The following PLCG2 variants were observed in gnomAD, a reference collection of about 807,000 sequenced individuals.
The protein encoded by PLCG2 is 1-phosphatidylinositol 4,5-bisphosphate phosphodiesterase gamma-2.
A neutral mutation model predicts 175.6 loss-of-function variants in PLCG2; 69 were observed. The ratio of observed to expected loss-of-function variants is 0.39; its 90% CI spans 0.32 to 0.48. PLCG2 has a LOEUF of 0.48. Ranked by LOEUF, PLCG2 falls within the 20% of genes least tolerant of loss-of-function variation. PLCG2 has a pLI of 0.91. For missense variants in PLCG2, 1,798 were observed against 1,650.9 expected, an observed-to-expected ratio of 1.09 and a Z score of -1.54; for synonymous variants, 827 against 624.0, an observed-to-expected ratio of 1.33 and a Z score of -4.85.
intron 18 of PLCG2, among the ~76,000 whole-genome samples, chr16:81,911,964 A>AT (rs1478542378): frequency 6.6e-6 from 1 of 151,378 alleles, no homozygotes; most frequent in Non-Finnish European, 1.5e-5. Context: ...TGCCTGGCTA[A>AT]TTTTTTGTAT....
At position 81,823,806 on chromosome 16, in the gene PLCG2, A is replaced by C. The variant is rs958244527; in HGVS notation, c.194-30638A>C. Among the ~76,000 whole-genome samples the C allele has an allele frequency of 6.6e-5, 10 of 151,608 alleles. No individual in the cohort carries two copies. In the Middle Eastern group the frequency reaches 0.01, roughly 157 times the overall value. ...CGGTGTCCCAAAGTGCTGGGATTCC[A>C]GGCATGAACCACTGCACCCAGACAA... On this transcript the variant is annotated intron_variant, in intron 2 of 32. Transcript: ENST00000564138.
At chr16:81,931,764 A>G in intron 25 of PLCG2, 110 bp downstream of exon 25, 1 of 874,994 alleles carries the variant, frequency 1.1e-6, no homozygotes, top group Non-Finnish European at 1.8e-6. Flanking sequence ...CCCAGGTCCT[A>G]CTCAGAATTC....
chr16:81,803,204 T>C (rs1051069573), intron 2 of PLCG2, among the ~76,000 whole-genome samples: 16 of 149,110 alleles, frequency 1.1e-4, no homozygotes, highest in Non-Finnish European at 1.9e-4. Context: ...CTGCAAGCTC[T>C]GCCTCATGGG....
chr16:81,825,203 C>G (rs1904993971), intron 2 of PLCG2, among the ~76,000 whole-genome samples: 1 of 152,068 alleles, frequency 6.6e-6, no homozygotes, highest in African/African-American at 2.4e-5. Flanking sequence ...CCATCCTGGC[C>G]TCAGTGATGC....
chr16:81,778,028 A>AACAAAAACAAAACAAACAAACAAAC (rs1910495268), upstream of PLCG2, among the ~76,000 whole-genome samples: 1 of 63,658 alleles, frequency 1.6e-5, no homozygotes, highest in Non-Finnish European at 3.0e-5. Flanking sequence ...AAAAAAAAAA[A>AACAAAAACAAAACAAACAAACAAAC]AAACAAAAAA....
chr16:81,934,043 C>T (rs1433468589), intron 25 of PLCG2, among the ~76,000 whole-genome samples: 1 of 152,160 alleles, frequency 6.6e-6, no homozygotes, highest in Non-Finnish European at 1.5e-5. Flanking sequence ...CTGGGGTCCA[C>T]AGAGCCCCCG....
chr16:81,894,767 G>A (rs1009950255), intron 12 of PLCG2, among the ~76,000 whole-genome samples: 2 of 152,074 alleles, frequency 1.3e-5, no homozygotes, highest in African/African-American at 4.8e-5. Flanking sequence ...CAGCTGCTTG[G>A]GAGGCCGAGG....
rs1328278193 is a variant in PLCG2, at chr16:81,960,291, A to G, written c.*2293A>G. 4.5e-6 allele frequency: 1 copy of G among 220,552 alleles called. No homozygotes were observed. Among genetic ancestry groups the G allele is most frequent in the African/African-American group, 2.2e-5 (1 of 44,674 alleles). The allele number at this position is 220,552 out of a possible 1,614,324, so 13.7% of individuals were successfully genotyped here. A position where few individuals can be genotyped will look rare whatever the true frequency, so the allele number is the denominator to read the frequency against. On this transcript the variant is annotated 3_prime_UTR_variant, in exon 33 of 33. Transcript: ENST00000564138. ...AGTCTATGTGATGCTACATAACTTC[A>G]GTATCTAGCTGAGACATGCTTCCTA...
intron 1 of PLCG2, chr16:81,785,734 G>C: frequency 2.6e-6 from 1 of 386,290 alleles, no homozygotes; most frequent in Non-Finnish European, 4.7e-6. Flanking sequence ...CTTGAGGTCA[G>C]GGGCTCTTCT....
chr16:81,925,876 A>G (rs906417630), intron 22 of PLCG2, among the ~76,000 whole-genome samples: 2 of 116,858 alleles, frequency 1.7e-5, no homozygotes, highest in African/African-American at 3.4e-5. Flanking sequence ...ACAGAGTGAG[A>G]CTCTGTCTCA....
intron 2 of PLCG2, among the ~76,000 whole-genome samples, chr16:81,813,123 G>A (rs1336209448): frequency 6.6e-6 from 1 of 152,174 alleles, no homozygotes; most frequent in Non-Finnish European, 1.5e-5. Flanking sequence ...CCTGCAGCTT[G>A]TTCTTTCTGC....
chr16:81,841,983 T>C (rs1905858102), intron 2 of PLCG2, among the ~76,000 whole-genome samples: 1 of 152,228 alleles, frequency 6.6e-6, no homozygotes, highest in South Asian at 2.1e-4. Flanking sequence ...GTAGCTAAAC[T>C]CACCTTGGTG....
At chr16:81,904,219 C>T (rs887136369) in intron 14 of PLCG2, among the ~76,000 whole-genome samples, 2 of 152,174 alleles carry the variant, frequency 1.3e-5, no homozygotes, top group African/African-American at 2.4e-5. Context: ...TTATCTTTCA[C>T]GTTCTTTGAC....
intron 2 of PLCG2, among the ~76,000 whole-genome samples, chr16:81,804,563 C>T (rs992028858): frequency 6.6e-6 from 1 of 152,176 alleles, no homozygotes; most frequent in African/African-American, 2.4e-5. Flanking sequence ...TTTTTTGTGG[C>T]ACAAAAGGAC....
intron 2 of PLCG2, among the ~76,000 whole-genome samples, chr16:81,809,615 C>T (rs906284582): frequency 2.6e-5 from 4 of 152,168 alleles, no homozygotes; most frequent in Non-Finnish European, 4.4e-5. Context: ...CACTTAGACC[C>T]TGTGTCAGGA....
chr16:81,754,975 G>T (rs1244184660), intron 1 of PLCG2, among the ~76,000 whole-genome samples: 1 of 152,154 alleles, frequency 6.6e-6, no homozygotes, highest in Non-Finnish European at 1.5e-5. Flanking sequence ...GGAAGAACCA[G>T]CTGTGTGTCC....
At chr16:81,859,075 T>G in intron 4 of PLCG2, 41 bp from the exon 5 acceptor site, 1 of 1,287,734 alleles carries the variant, frequency 7.8e-7, no homozygotes, top group South Asian at 1.2e-5. Flanking sequence ...ATTTTCTAAT[T>G]TTCTCTTTCT....
intron 5 of PLCG2, among the ~76,000 whole-genome samples, chr16:81,865,417 G>A (rs1005917048): frequency 6.6e-6 from 1 of 152,152 alleles, no homozygotes; most frequent in African/African-American, 2.4e-5. Flanking sequence ...GGGTGAGGCT[G>A]TCCCAGAGCT....
At chr16:81,882,124 C>T (rs907128997) in intron 8 of PLCG2, among the ~76,000 whole-genome samples, 3 of 152,214 alleles carry the variant, frequency 2.0e-5, no homozygotes, top group African/African-American at 7.2e-5. Context: ...AAATAGACCT[C>T]TTTTCCCCAG....
Sources: gnomAD v4.1 joint callset for allele counts (sites outside exome capture counted in the v4.1 genomes callset) on GRCh38, gnomAD v4.1.1 for gene constraint, MANE v1.5 for transcripts, NCBI Gene and HGNC (gene_info 2026-07-23, HGNC 2026-07-21) for gene names.